FMR1NB: variants seen among roughly 807,000 people sequenced by gnomAD.
FMR1NB encodes FMR1 neighbor protein.
Under a neutral mutation model 16.8 loss-of-function variants are expected in FMR1NB, and 10 were observed. The ratio of observed to expected loss-of-function variants is 0.60; its 90% CI spans 0.37 to 1.01. FMR1NB has a LOEUF of 1.01. FMR1NB is among the 50% of genes least tolerant of loss of function. The pLI is 0.01. For synonymous variants in FMR1NB, 83 were observed against 79.1 expected, an observed-to-expected ratio of 1.05 and a Z score of -0.26; for missense variants, 205 against 204.8, an observed-to-expected ratio of 1.00 and a Z score of 0.00.
At chrX:148,009,649 T>C (rs782453522) in intron 4 of FMR1NB, among the ~76,000 whole-genome samples, 34 of 110,801 alleles carry the variant, frequency 3.1e-4, no homozygotes, top group Non-Finnish European at 5.7e-4. Context: ...CTCAGGTTTG[T>C]GCGCGTGCAA....
At chrX:147,995,701 A>G (rs1280647345) in intron 1 of FMR1NB, among the ~76,000 whole-genome samples, 2 of 113,019 alleles carry the variant, frequency 1.8e-5, no homozygotes, top group African/African-American at 6.4e-5. Context: ...GACAGATCTC[A>G]GTAACTAGTT....
chrX:148,006,937 C>T (rs927225837), intron 3 of FMR1NB, 95 bp downstream of exon 3: 1 of 935,763 alleles, frequency 1.1e-6, no homozygotes, highest in Non-Finnish European at 1.5e-6. Flanking sequence ...TAGCTTAATA[C>T]TTAAATGGGA....
chrX:148,024,928 A>T lies in FMR1NB; in HGVS notation c.696A>T (p.Arg232Ser). ...TTGTAACGGGTTTGAAGAAACAAAG[A>T]AGGAAGCGAAAGAGGAAGTCTGAAA... ...NRVVTGLKKQ[R>S]RKRKRKSEML... Residue 232 changes from arginine (R) to serine (S), a missense_variant, in exon 5 of 6, where the codon AGA (arginine) becomes AGT (serine). Physicochemically the swap from Arg to Ser is moderately radical, Grantham distance 110. Transcript: ENST00000370467. The T allele has an allele frequency of 8.3e-7, 1 of 1,211,187 alleles. No homozygotes were observed. The highest frequency in any genetic ancestry group is 1.8e-5 in the South Asian group (1 of 56,931).
intron 1 of FMR1NB, among the ~76,000 whole-genome samples, chrX:147,987,413 G>T (rs1225815941): frequency 9.0e-6 from 1 of 111,698 alleles, no homozygotes; most frequent in Non-Finnish European, 1.9e-5. Context: ...GTTTTCAAAG[G>T]GAATGCTTCC....
intron 1 of FMR1NB, among the ~76,000 whole-genome samples, chrX:147,986,678 T>G (rs2044478513): frequency 9.0e-6 from 1 of 111,635 alleles, no homozygotes; most frequent in Non-Finnish European, 1.9e-5. Flanking sequence ...CATTTTTCTA[T>G]ATATCTGTTT....
chrX:148,016,555 C>G (rs1161481992), intron 4 of FMR1NB, among the ~76,000 whole-genome samples: 1 of 111,611 alleles, frequency 9.0e-6, no homozygotes, highest in East Asian at 2.8e-4. Context: ...CTGTCTTCCT[C>G]TAGTGAAGGT....
chrX:147,990,483 T>A (rs782237687), intron 1 of FMR1NB, among the ~76,000 whole-genome samples: 152 of 111,823 alleles, frequency 1.4e-3, no homozygotes, highest in Non-Finnish European at 2.4e-3. Flanking sequence ...TATTGATATA[T>A]CATAGTTGTA....
intron 1 of FMR1NB, among the ~76,000 whole-genome samples, chrX:147,997,841 A>T (rs782792830): frequency 0.013 from 1,477 of 112,445 alleles, 29 homozygotes; most frequent in African/African-American, 0.046. Context: ...AGGCCAAAAA[A>T]CATATGAAAA....
intron 1 of FMR1NB, among the ~76,000 whole-genome samples, chrX:148,002,892 T>G (rs2044577978): frequency 8.9e-6 from 1 of 112,383 alleles, no homozygotes; most frequent in Non-Finnish European, 1.9e-5. Flanking sequence ...CATACTGTTT[T>G]CAGCTCATCA....
At chrX:148,022,576 CTT>C (rs1380165054) in intron 4 of FMR1NB, among the ~76,000 whole-genome samples, 28 of 111,655 alleles carry the variant, frequency 2.5e-4, no homozygotes, top group African/African-American at 8.1e-4. Context: ...ATATATGACA[CTT>C]TATATGAAAA....
At chrX:148,008,562 G>C (rs2044608269) in intron 3 of FMR1NB, 56 bp from the exon 4 acceptor site, 1 of 1,087,129 alleles carries the variant, frequency 9.2e-7, no homozygotes. Context: ...GAAAGAACTT[G>C]GATTTACTTC....
chrX:148,001,184 A>G (rs1557188624), intron 1 of FMR1NB, among the ~76,000 whole-genome samples: 1 of 112,146 alleles, frequency 8.9e-6, no homozygotes, highest in Non-Finnish European at 1.9e-5. Flanking sequence ...GATAAACCTT[A>G]TTCAGGGACA....
chrX:148,003,376 A>G (rs1303833754), intron 2 of FMR1NB, 56 bp downstream of exon 2: 1 of 1,161,544 alleles, frequency 8.6e-7, no homozygotes, highest in Non-Finnish European at 1.2e-6. Context: ...GAAAACAGTA[A>G]TTAAATGTTT....
intron 2 of FMR1NB, among the ~76,000 whole-genome samples, chrX:148,004,922 G>A (rs992584517): frequency 8.0e-5 from 9 of 112,360 alleles, no homozygotes; most frequent in African/African-American, 1.3e-4. Context: ...ACAGAGTCTC[G>A]CTCTGTTGCC....
intron 1 of FMR1NB, among the ~76,000 whole-genome samples, chrX:147,993,199 G>A (rs1051884713): frequency 2.7e-5 from 3 of 113,203 alleles, no homozygotes; most frequent in Non-Finnish European, 3.8e-5. Context: ...CGGATCACTC[G>A]CGGCCAGGGG....
chrX:147,990,158 T>C (rs1472688817), intron 1 of FMR1NB, among the ~76,000 whole-genome samples: 1 of 111,391 alleles, frequency 9.0e-6, no homozygotes, highest in East Asian at 2.8e-4. Context: ...AATCTCCTGG[T>C]CTGTGGACTG....
chrX:147,991,395 C>T (rs1358283442), intron 1 of FMR1NB, among the ~76,000 whole-genome samples: 2 of 109,771 alleles, frequency 1.8e-5, no homozygotes, highest in African/African-American at 6.7e-5. Flanking sequence ...AAAGGTATAC[C>T]CTCCATCTTC....
intron 1 of FMR1NB, among the ~76,000 whole-genome samples, chrX:147,989,961 T>C (rs2044495818): frequency 9.1e-6 from 1 of 109,600 alleles, no homozygotes; most frequent in South Asian, 4.0e-4. Flanking sequence ...CCCACTGGCT[T>C]GGCTCCCTGG....
At chrX:147,994,748 T>C (rs1395447793) in intron 1 of FMR1NB, among the ~76,000 whole-genome samples, 1 of 112,555 alleles carries the variant, frequency 8.9e-6, no homozygotes. Flanking sequence ...ACATGTTTTC[T>C]CCTAAAATAA....
Sources: gnomAD v4.1 joint callset for allele counts (sites outside exome capture counted in the v4.1 genomes callset) on GRCh38, gnomAD v4.1.1 for gene constraint, MANE v1.5 for transcripts, NCBI Gene and HGNC (gene_info 2026-07-23, HGNC 2026-07-21) for gene names.